PDE9A: variants seen among roughly 807,000 people sequenced by gnomAD.
The protein encoded by PDE9A is high affinity cGMP-specific 3',5'-cyclic phosphodiesterase 9A.
Under a neutral mutation model 87.4 loss-of-function variants are expected in PDE9A, and 60 were observed. The observed-to-expected ratio is 0.69, with a 90% confidence interval of 0.56 to 0.85. The LOEUF (loss-of-function observed/expected upper bound fraction) is 0.85, where lower values mean the gene tolerates loss of function less well. PDE9A is among the 40% of genes least tolerant of loss of function. The pLI is 0.00. For synonymous variants in PDE9A, 272 were observed against 279.4 expected (o/e 0.97, Z 0.27); for missense variants, 665 against 779.0 (o/e 0.85, Z 1.74).
Position 42,731,864 on chromosome 21 carries a change from G to A in PDE9A, c.357G>A (p.Arg119=). 1 of 1,614,214 alleles carries A rather than the reference G, an allele frequency of 6.2e-7. No homozygotes were observed. Among genetic ancestry groups the A allele is most frequent in the South Asian group, 1.1e-5 (1 of 91,082 alleles). The change falls in exon 5 of 20, where the codon AGG becomes AGA. Residue 119 remains arginine, a synonymous_variant. Coordinates refer to ENST00000291539, the MANE Select transcript of PDE9A (RefSeq NM_002606.3). ...TTGTGGGCCTGGAGCAGCCCCGGAG[G>A]GAAGGAGCATTTGAAAGTGGACAGG... ...RRVVGLEQPR[R]EGAFESGQVE...
chr21:42,727,829 G>A (rs1460177769), intron 4 of PDE9A, among the ~76,000 whole-genome samples: 3 of 152,068 alleles, frequency 2.0e-5, no homozygotes, highest in Admixed American at 6.6e-5. Context: ...CATGTCATTG[G>A]CAAACAAGGA....
At chr21:42,750,356 A>G (rs919138820) in intron 8 of PDE9A, among the ~76,000 whole-genome samples, 1 of 152,216 alleles carries the variant, frequency 6.6e-6, no homozygotes, top group Non-Finnish European at 1.5e-5. Flanking sequence ...GTGTGTCCAC[A>G]CTTCAAAACA....
chr21:42,750,481 T>C (rs34992148), intron 8 of PDE9A, among the ~76,000 whole-genome samples: 97,266 of 150,988 alleles, frequency 0.64, 31,891 homozygotes, highest in East Asian at 0.86. Flanking sequence ...TTTTTTTACT[T>C]TACTCTTGTG....
rs1318785323 is a variant in PDE9A, at chr21:42,695,575, C to G, written c.219-3393C>G. ...CGGCCAAGTTGTGCCGCAGGTGACT[C>G]TCCACCGGCTGAGCTCTGTGCATGC... is the stretch of plus-strand genomic sequence containing the variant. On this transcript the variant is annotated intron_variant, in intron 3 of 19. Transcript: ENST00000291539. The surrounding 1 kb of genome is among the most constrained non-coding windows in gnomAD (Gnocchi z 4.3). 6.6e-6 allele frequency among the ~76,000 whole-genome samples: 1 copy of G among 152,232 alleles called. No individual in the cohort carries two copies. The highest frequency in any genetic ancestry group is 1.5e-5 in the Non-Finnish European group (1 of 68,048).
At chr21:42,728,932 G>A (rs1001619617) in intron 4 of PDE9A, among the ~76,000 whole-genome samples, 14 of 151,262 alleles carry the variant, frequency 9.3e-5, no homozygotes, top group Admixed American at 1.3e-4. Flanking sequence ...CCCAGGAGGC[G>A]GAGGCTGCAG....
At chr21:42,686,641 C>A (rs751660241) in intron 2 of PDE9A, among the ~76,000 whole-genome samples, 4 of 152,162 alleles carry the variant, frequency 2.6e-5, no homozygotes, top group Non-Finnish European at 4.4e-5. Context: ...ATGGTGAAAT[C>A]TTGTCTCTAC....
In PDE9A at chr21:42,751,101, G is replaced by C; in HGVS notation, c.654-15G>C. 6.4e-7 allele frequency: 1 copy of C among 1,562,228 alleles called. No individual in the cohort carries two copies. Among genetic ancestry groups the C allele is most frequent in the Non-Finnish European group, 8.8e-7 (1 of 1,132,592 alleles). On this transcript the variant is annotated splice_polypyrimidine_tract_variant and intron_variant, in intron 8 of 19. Transcript: ENST00000291539. ...AACAGCAGGACCACAGCTCATCTCT[G>C]CTCCTTCTCTCTAGGACCAACTGCC...
chr21:42,751,290 A>C, intron 9 of PDE9A, 93 bp downstream of exon 9: 1 of 902,930 alleles, frequency 1.1e-6, no homozygotes, highest in South Asian at 1.3e-5. Context: ...TGCTGTGTGT[A>C]CGTTCACATC....
At chr21:42,751,078 C>G in intron 8 of PDE9A, 38 bp from the exon 9 acceptor site, 1 of 1,336,532 alleles carries the variant, frequency 7.5e-7, no homozygotes, top group Non-Finnish European at 1.1e-6. Flanking sequence ...CAGACTGAAA[C>G]AGCAGGACCA....
chr21:42,715,187 A>ATTTT (rs2049769206), intron 4 of PDE9A, among the ~76,000 whole-genome samples: 1 of 63,010 alleles, frequency 1.6e-5, no homozygotes, highest in African/African-American at 8.2e-5. Context: ...ATGCATCTTT[A>ATTTT]CTTTTTTTTT....
rs200940500 is a variant in PDE9A, at chr21:42,732,058, T to C, written c.443-12T>C. ...GTCCGTGTTCCATCTGTCTTTCTTCTTTGGTTTGTAGAGAGAGAAGAATTA... is the reference window on the plus strand; with the variant it reads ...GTCCGTGTTCCATCTGTCTTTCTTCCTTGGTTTGTAGAGAGAGAAGAATTA... On this transcript the variant is annotated splice_polypyrimidine_tract_variant and intron_variant, in intron 5 of 19. Transcript: ENST00000291539. 182 of 1,614,012 alleles carry C rather than the reference T, an allele frequency of 1.1e-4. 1 individual carries two copies. Among genetic ancestry groups the C allele is most frequent in the Non-Finnish European group, 1.3e-4 (158 of 1,179,946 alleles).
chr21:42,766,128 A>G (rs2056375285), intron 15 of PDE9A, among the ~76,000 whole-genome samples: 1 of 152,200 alleles, frequency 6.6e-6, no homozygotes, highest in Admixed American at 6.5e-5. Flanking sequence ...CAAAAGTTTG[A>G]GACCAGTCTG....
intron 1 of PDE9A, among the ~76,000 whole-genome samples, chr21:42,655,690 A>G (rs941001156): frequency 6.6e-6 from 1 of 152,242 alleles, no homozygotes; most frequent in African/African-American, 2.4e-5. Context: ...TGAGAAGGGA[A>G]TGAGTGAATG....
At chr21:42,666,537 C>T (rs941162339) in intron 1 of PDE9A, among the ~76,000 whole-genome samples, 4 of 152,142 alleles carry the variant, frequency 2.6e-5, no homozygotes, top group East Asian at 1.9e-4. Context: ...ACCACAGGCC[C>T]GGCGGCCTCC....
intron 4 of PDE9A, among the ~76,000 whole-genome samples, chr21:42,708,802 T>G (rs527848883): frequency 2.2e-3 from 338 of 152,278 alleles, no homozygotes; most frequent in African/African-American, 7.8e-3. Flanking sequence ...GTGATCCACC[T>G]GCCTCAGCCT....
intron 1 of PDE9A, among the ~76,000 whole-genome samples, chr21:42,679,580 A>G (rs3819899): frequency 0.3 from 45,446 of 151,840 alleles, 7,285 homozygotes; most frequent in African/African-American, 0.42. Flanking sequence ...CCCTCCTCCG[A>G]CCCAGCCTCA....
intron 1 of PDE9A, among the ~76,000 whole-genome samples, chr21:42,679,364 TCACG>T (rs1344039572): frequency 5.0e-5 from 7 of 139,850 alleles, no homozygotes; most frequent in Admixed American, 3.5e-4. Context: ...CACACTGAAA[TCACG>T]CCTCGCGTTC....
rs1197356167 is a variant in PDE9A at position 42,726,624 on chromosome 21, A to AT, written c.263-5129dup. 4.1e-3 allele frequency among the ~76,000 whole-genome samples: 82 copies of AT among 19,778 alleles called. 10 individuals are homozygous for AT. Among genetic ancestry groups the AT allele is most frequent in the Admixed American group, 0.012 (15 of 1,224 alleles). The allele number at this position is 19,778 out of a possible 152,430, so 13.0% of individuals were successfully genotyped here. On this transcript the variant is annotated intron_variant, in intron 4 of 19. Transcript: ENST00000291539. ...TATATATATATATATATATATATAT[A>AT]TTTTTTTTTTTTTTTTTGTAGAGAT...
chr21:42,775,427 C>CAAAA lies in PDE9A; in HGVS notation c.*144_*147dup. On this transcript the variant is annotated 3_prime_UTR_variant, in exon 20 of 20. Transcript: ENST00000291539. Reference sequence around the variant, plus strand: ...CTAAGAACCATTTTGTTCACTGATACAAAAAAAAAAAAAGGAATTCATGAT... The same window carrying CAAAA: ...CTAAGAACCATTTTGTTCACTGATACAAAAAAAAAAAAAAAAAGGAATTCATGAT... 2.4e-6 allele frequency: 1 copy of CAAAA among 414,166 alleles called. No individual in the cohort carries two copies. 25.7% of individuals were successfully genotyped at this position (414,166 alleles called of 1,614,324 possible).
Sources: allele counts gnomAD v4.1 joint callset (sites outside exome capture counted in the v4.1 genomes callset), GRCh38; gene constraint gnomAD v4.1.1; non-coding constraint Gnocchi (gnomAD v3.1); transcripts MANE v1.5; gene names NCBI Gene and HGNC (gene_info 2026-07-23, HGNC 2026-07-21).